Variants in KIAA1549 observed in about 807,000 individuals in gnomAD.
KIAA1549 encodes KIAA1549.
In KIAA1549, 70 loss-of-function variants were observed where a neutral mutation model predicts 156.4. The observed-to-expected ratio is 0.45, with a 90% CI of 0.37 to 0.55. The LOEUF is 0.55. Among genes scored for constraint, KIAA1549 ranks in the 20% least tolerant of loss-of-function variants. KIAA1549 has a pLI of 0.00. For missense variants in KIAA1549, 2,428 were observed against 2,540.9 expected (o/e 0.96, Z 0.96); for synonymous variants, 1,103 against 1,066.4 (o/e 1.03, Z -0.67).
chr7:138,917,928 A>G lies in KIAA1549; in HGVS notation c.1698T>C (p.Leu566=). 6.3e-7 allele frequency: 1 copy of G among 1,597,528 alleles called. No homozygotes were observed. The highest frequency in any genetic ancestry group is 8.5e-7 in the Non-Finnish European group (1 of 1,171,930). ...AFFSVITSIL[L]DSSFSVIANK... ...TTGCTATGACAGAGAAAGATGAGTC[A>G]AGGAGAATGCTGGTGATGACCGAGA... Residue 566 remains leucine, a synonymous_variant, in exon 2 of 20, where the codon CTT becomes CTC. Coordinates refer to ENST00000422774, the MANE Select transcript of KIAA1549 (RefSeq NM_001164665.2).
intron 1 of KIAA1549, among the ~76,000 whole-genome samples, chr7:138,924,618 C>A (rs1812659862): frequency 6.6e-6 from 1 of 152,120 alleles, no homozygotes; most frequent in Non-Finnish European, 1.5e-5. Context: ...GGAACAAAAA[C>A]TTCGTATTAA....
chr7:138,954,678 G>A lies in KIAA1549; in HGVS notation c.187+26405C>T, dbSNP rs573309105. On this transcript the variant is annotated intron_variant, in intron 1 of 19. Transcript: ENST00000422774. ...GATCACCCCTCCGGATGTTGTCTCA[G>A]ACCACCCTCCAGGCTCACGGAAGCC... 2.9e-4 allele frequency among the ~76,000 whole-genome samples: 44 copies of A among 152,152 alleles called. 1 individual carries two copies. In the South Asian group the frequency reaches 9.1e-3, roughly 32 times the overall value.
chr7:138,875,498 G>A (rs1396141539), intron 12 of KIAA1549, among the ~76,000 whole-genome samples: 2 of 152,024 alleles, frequency 1.3e-5, no homozygotes, highest in Middle Eastern at 6.8e-3. Context: ...TAAATAAAAA[G>A]TTAGCTGGGC....
At chr7:138,960,608 C>A (rs114693054) in intron 1 of KIAA1549, among the ~76,000 whole-genome samples, 5,223 of 152,120 alleles carry the variant, frequency 0.034, 293 homozygotes, top group African/African-American at 0.12. Context: ...CTGTGACCAG[C>A]CACAAAAATA....
In KIAA1549 at chr7:138,905,038, G is replaced by T. The variant is rs771364146; in HGVS notation, c.3504C>A (p.Ser1168=). The change falls in exon 7 of 20, where the codon TCC becomes TCA. Residue 1168 remains serine, a synonymous_variant. Coordinates refer to ENST00000422774, the MANE Select transcript of KIAA1549 (RefSeq NM_001164665.2). ...TAAACATACCTGTTCTGACCCAAGA[G>T]GACTTCAGCAACTGAGATAAGTTGA... ...PQLNLSQLLK[S]SWVRTVLLGV... 6 of 1,575,034 alleles carry T rather than the reference G, an allele frequency of 3.8e-6. No homozygotes were observed. The highest frequency in any genetic ancestry group is 2.6e-6 in the Non-Finnish European group (3 of 1,158,632).
chr7:138,925,940 T>G (rs1812704703), intron 1 of KIAA1549, among the ~76,000 whole-genome samples: 1 of 151,768 alleles, frequency 6.6e-6, no homozygotes. Flanking sequence ...AGGCACACGT[T>G]TTGGACTCTG....
At chr7:138,970,094 T>C (rs1016095345) in intron 1 of KIAA1549, among the ~76,000 whole-genome samples, 1 of 152,202 alleles carries the variant, frequency 6.6e-6, no homozygotes, top group African/African-American at 2.4e-5. Flanking sequence ...TTTTTAAAAA[T>C]TTTCCTTTCC....
In KIAA1549 at chr7:138,919,312, C is replaced by T; in HGVS notation, c.314G>A (p.Ser105Asn). Reference sequence around the variant, plus strand: ...CGGCGGGGCTGTGACATGGAGAGGACTGCTGTGCTGGGAGCCGGGAGCAGT... The same window carrying T: ...CGGCGGGGCTGTGACATGGAGAGGATTGCTGTGCTGGGAGCCGGGAGCAGT... ...TETAPGSQHS[S>N]PLHVTAPPSA... Residue 105 changes from serine (S) to asparagine (N), a missense_variant, in exon 2 of 20, where the codon AGT becomes AAT. Transcript: ENST00000422774. 1 of 1,614,028 alleles carries T rather than the reference C, an allele frequency of 6.2e-7. No homozygotes were observed. Among genetic ancestry groups the T allele is most frequent in the Non-Finnish European group, 8.5e-7 (1 of 1,179,904 alleles).
At chr7:138,910,072 A>G (rs1279893603) in intron 4 of KIAA1549, among the ~76,000 whole-genome samples, 4 of 152,216 alleles carry the variant, frequency 2.6e-5, no homozygotes, top group Non-Finnish European at 5.9e-5. Context: ...GATTTACTTT[A>G]AAATAGTACA....
intron 1 of KIAA1549, among the ~76,000 whole-genome samples, chr7:138,977,686 G>T (rs1400523748): frequency 9.5e-6 from 1 of 105,706 alleles, no homozygotes; most frequent in African/African-American, 4.1e-5. Flanking sequence ...ACACACACAC[G>T]GAAAGAAACA....
Position 138,879,549 on chromosome 7 carries a change from G to A in KIAA1549, c.4334C>T (p.Ala1445Val), listed in dbSNP as rs1196996754. ...GAVNDGRSHR[A>V]PQSGPPLPSS... ...GAAGAGTCACAGACCGCTCTGCGGA[G>A]CTCTGTGGGACCTGCCATCGTTGAC... is the stretch of plus-strand genomic sequence containing the variant. The change falls in exon 12 of 20, where the codon GCT (alanine) becomes GTT (valine). Residue 1445 changes from alanine to valine, a missense_variant. By Grantham distance (64) the Ala-to-Val change is moderately conservative. Transcript: ENST00000422774. 6.4e-7 allele frequency: 1 copy of A among 1,560,618 alleles called. No homozygotes were observed. Among genetic ancestry groups the A allele is most frequent in the South Asian group, 1.2e-5 (1 of 84,560 alleles).
chr7:138,948,418 G>A (rs1813396709), intron 1 of KIAA1549, among the ~76,000 whole-genome samples: 1 of 152,264 alleles, frequency 6.6e-6, no homozygotes, highest in Admixed American at 6.5e-5. Flanking sequence ...AACACAAGAG[G>A]CAGGAAAGAA....
Position 138,981,078 on chromosome 7 carries a change from CT to C in KIAA1549, c.187+4del. 8.2e-7 allele frequency: 1 copy of C among 1,224,856 alleles called. No homozygotes were observed. Among genetic ancestry groups the C allele is most frequent in the Non-Finnish European group, 1.0e-6 (1 of 982,754 alleles). The allele number at this position is 1,224,856 out of a possible 1,614,324, so 75.9% of individuals were successfully genotyped here. ...CCGCGTTCCGAGGGTCTCGGCGGAG[CT>C]TACCTGGGGCGCACGAGGCCGGCCG... On this transcript the variant is annotated splice_donor_region_variant and intron_variant, in intron 1 of 19. Coordinates refer to ENST00000422774, the MANE Select transcript of KIAA1549 (RefSeq NM_001164665.2). This position sits in a 1 kb window ranked among gnomAD's most constrained non-coding sequence, Gnocchi z 4.5.
intron 16 of KIAA1549, among the ~76,000 whole-genome samples, chr7:138,856,073 C>G (rs1192490857): frequency 6.6e-6 from 1 of 151,032 alleles, no homozygotes; most frequent in South Asian, 2.1e-4. Flanking sequence ...ACTCTTCCAC[C>G]CAGGCCGGAC....
chr7:138,914,744 G>A (rs1374708839), intron 2 of KIAA1549, among the ~76,000 whole-genome samples: 1 of 152,050 alleles, frequency 6.6e-6, no homozygotes, highest in African/African-American at 2.4e-5. Flanking sequence ...CACAACTCTG[G>A]ACATTTACAA....
chr7:138,957,488 T>C (rs1298491930), intron 1 of KIAA1549, among the ~76,000 whole-genome samples: 1 of 123,742 alleles, frequency 8.1e-6, no homozygotes, highest in South Asian at 2.9e-4. Context: ...CTTCCTCTTC[T>C]TCTTTTTGAG....
intron 1 of KIAA1549, among the ~76,000 whole-genome samples, chr7:138,959,807 G>C (rs1813783957): frequency 6.6e-6 from 1 of 152,194 alleles, no homozygotes; most frequent in South Asian, 2.1e-4. Context: ...CATTTGTGAG[G>C]ATCAGAGAGC....
chr7:138,847,921 A>C (rs1347988862), intron 17 of KIAA1549, among the ~76,000 whole-genome samples: 1 of 78,936 alleles, frequency 1.3e-5, no homozygotes, highest in Non-Finnish European at 2.6e-5. Flanking sequence ...ATTTATTCTG[A>C]GGTGTTTTAT....
At chr7:138,949,332 A>C (rs1813427619) in intron 1 of KIAA1549, among the ~76,000 whole-genome samples, 1 of 152,200 alleles carries the variant, frequency 6.6e-6, no homozygotes, top group South Asian at 2.1e-4. Flanking sequence ...TCCTCAGGAC[A>C]CTTTACTCTT....
Sources: gnomAD v4.1 joint callset for allele counts (sites outside exome capture counted in the v4.1 genomes callset) on GRCh38, gnomAD v4.1.1 for gene constraint, Gnocchi (gnomAD v3.1) non-coding constraint, MANE v1.5 for transcripts, NCBI Gene and HGNC (gene_info 2026-07-23, HGNC 2026-07-21) for gene names.